The following UBL3 variants were observed in gnomAD, a reference collection of about 807,000 sequenced individuals.
UBL3 encodes the protein ubiquitin like 3.
UBL3 carries 6 observed loss-of-function variants against 18.4 expected under a neutral mutation model. That is an observed-to-expected ratio of 0.33 (90% CI 0.18 to 0.64). UBL3 has a LOEUF of 0.64. UBL3 is among the 30% of genes least tolerant of loss of function. UBL3 has a pLI of 0.76. For synonymous variants in UBL3, 49 were observed against 46.6 expected, an observed-to-expected ratio of 1.05 and a Z score of -0.21; for missense variants, 109 against 142.9, an observed-to-expected ratio of 0.76 and a Z score of 1.21.
intron 1 of UBL3, among the ~76,000 whole-genome samples, chr13:29,806,595 A>G (rs1362241495): frequency 6.6e-6 from 1 of 152,144 alleles, no homozygotes; most frequent in Admixed American, 6.5e-5. Flanking sequence ...CTGAGGTGCA[A>G]GAGTGCCATA....
At chr13:29,831,519 C>T (rs905378657) in intron 1 of UBL3, among the ~76,000 whole-genome samples, 4 of 149,146 alleles carry the variant, frequency 2.7e-5, no homozygotes, top group South Asian at 2.1e-4. Context: ...ACCAGGGAGA[C>T]GGAGGTTGCG....
chr13:29,829,322 T>C (rs1878708241), intron 1 of UBL3, among the ~76,000 whole-genome samples: 1 of 152,202 alleles, frequency 6.6e-6, no homozygotes, highest in Non-Finnish European at 1.5e-5. Context: ...CTCCCTGAGC[T>C]GTGGTGGGCT....
chr13:29,832,538 T>C (rs924229284), intron 1 of UBL3, among the ~76,000 whole-genome samples: 1 of 152,114 alleles, frequency 6.6e-6, no homozygotes, highest in East Asian at 1.9e-4. Context: ...CTAATTTCTA[T>C]AATTTACCTT....
At chr13:29,770,178 T>G (rs1022451781) in intron 3 of UBL3, among the ~76,000 whole-genome samples, 7 of 152,090 alleles carry the variant, frequency 4.6e-5, no homozygotes, top group Admixed American at 1.3e-4. Flanking sequence ...TTTCCCTGTG[T>G]GCTATCTTCT....
rs1566001079 is a variant in UBL3, at chr13:29,835,132, ATATATAT to A, written c.27+14373_27+14379del. On this transcript the variant is annotated intron_variant, in intron 1 of 4. Transcript: ENST00000380680. ...AATATATATATATATATAAATATAT[ATATATAT>A]ATATATATATATATATATATATATA... Among the ~76,000 whole-genome samples the A allele has an allele frequency of 3.2e-3, 19 of 5,954 alleles. 1 individual carries two copies. The highest frequency in any genetic ancestry group is 4.8e-3 in the Non-Finnish European group (16 of 3,368). 3.9% of individuals were successfully genotyped at this position (5,954 alleles called of 152,430 possible). A position where few individuals can be genotyped will look rare whatever the true frequency, so the allele number is the denominator to read the frequency against.
intron 1 of UBL3, among the ~76,000 whole-genome samples, chr13:29,817,278 C>T (rs987115930): frequency 2.0e-5 from 3 of 152,202 alleles, no homozygotes; most frequent in Non-Finnish European, 2.9e-5. Flanking sequence ...GTATGCAACA[C>T]GCGTAAGATG....
At chr13:29,767,782 T>C in intron 3 of UBL3, 87 bp from the exon 4 acceptor site, 1 of 1,236,860 alleles carries the variant, frequency 8.1e-7, no homozygotes, top group Non-Finnish European at 1.1e-6. Flanking sequence ...TAAAAATTGA[T>C]TGCTTTTTTA....
intron 1 of UBL3, among the ~76,000 whole-genome samples, chr13:29,826,896 A>G (rs183460712): frequency 0.029 from 4,474 of 152,150 alleles, 127 homozygotes; most frequent in African/African-American, 0.062. Flanking sequence ...CTTTGTTCTC[A>G]TGGGTTTCAA....
chr13:29,819,789 C>G (rs979708824), intron 1 of UBL3, among the ~76,000 whole-genome samples: 2 of 152,032 alleles, frequency 1.3e-5, no homozygotes, highest in African/African-American at 2.4e-5. Flanking sequence ...CCACCGCCCC[C>G]ACCCCCAAGA....
At chr13:29,839,365 G>A (rs1017077872) in intron 1 of UBL3, among the ~76,000 whole-genome samples, 2 of 152,096 alleles carry the variant, frequency 1.3e-5, no homozygotes, top group African/African-American at 4.8e-5. Flanking sequence ...GAGCACAAGG[G>A]AAGTTTTAAA....
chr13:29,849,491 C>A, intron 1 of UBL3, 21 bp downstream of exon 1: 2 of 1,614,078 alleles, frequency 1.2e-6, no homozygotes, highest in Non-Finnish European at 8.5e-7. Context: ...AAATCAGTGT[C>A]ATAACTTATC....
chr13:29,848,968 T>G (rs1252816478), intron 1 of UBL3, among the ~76,000 whole-genome samples: 1 of 152,220 alleles, frequency 6.6e-6, no homozygotes, highest in East Asian at 1.9e-4. Context: ...TCCCAAAATA[T>G]CTTTATATTT....
At chr13:29,820,388 C>A (rs961944292) in intron 1 of UBL3, among the ~76,000 whole-genome samples, 1 of 152,044 alleles carries the variant, frequency 6.6e-6, no homozygotes, top group Non-Finnish European at 1.5e-5. Flanking sequence ...GTTGGCCAGG[C>A]TGGTCTTGAA....
intron 1 of UBL3, among the ~76,000 whole-genome samples, chr13:29,841,679 G>A (rs1436705571): frequency 6.6e-6 from 1 of 152,202 alleles, no homozygotes; most frequent in African/African-American, 2.4e-5. Flanking sequence ...GAGGGATTCA[G>A]TAATGTTTGC....
intron 1 of UBL3, among the ~76,000 whole-genome samples, chr13:29,813,632 CTA>C (rs770489983): frequency 5.3e-5 from 8 of 151,984 alleles, no homozygotes; most frequent in Non-Finnish European, 8.8e-5. Context: ...TGTAAGTAAT[CTA>C]GAGATAATTT....
At position 29,765,540 on chromosome 13, in the gene UBL3, T is replaced by G. The variant is rs1311937291; in HGVS notation, c.*1715A>C. On this transcript the variant is annotated 3_prime_UTR_variant, in exon 5 of 5. Transcript: ENST00000380680. ...ATTTTAAAAGCTTAAGAAATGAAAG[T>G]AGAAAACATGAATGAGACGGTGCTT... is the stretch of plus-strand genomic sequence containing the variant. The G allele has an allele frequency of 6.6e-6, 1 of 152,342 alleles. No individual in the cohort carries two copies. The highest frequency in any genetic ancestry group is 1.5e-5 in the Non-Finnish European group (1 of 67,940). The allele number at this position is 152,342 out of a possible 1,614,324, so 9.4% of individuals were successfully genotyped here. A position where few individuals can be genotyped will look rare whatever the true frequency, so the allele number is the denominator to read the frequency against.
intron 1 of UBL3, among the ~76,000 whole-genome samples, chr13:29,799,346 A>G (rs1213199480): frequency 6.6e-6 from 1 of 152,282 alleles, no homozygotes; most frequent in Non-Finnish European, 1.5e-5. Flanking sequence ...CTTTACTGTG[A>G]TAAACCATCA....
chr13:29,773,221 G>A (rs950231589), intron 2 of UBL3, among the ~76,000 whole-genome samples: 2 of 152,148 alleles, frequency 1.3e-5, no homozygotes, highest in African/African-American at 4.8e-5. Context: ...TCAAAATGAT[G>A]AATGTGAATT....
At chr13:29,847,219 T>C (rs896582786) in intron 1 of UBL3, among the ~76,000 whole-genome samples, 24 of 152,174 alleles carry the variant, frequency 1.6e-4, no homozygotes, top group African/African-American at 5.8e-4. Context: ...AGAGAAAATC[T>C]TAACCTCTAA....
Sources: gnomAD v4.1 joint callset for allele counts (sites outside exome capture counted in the v4.1 genomes callset) on GRCh38, gnomAD v4.1.1 for gene constraint, MANE v1.5 for transcripts, NCBI Gene and HGNC (gene_info 2026-07-23, HGNC 2026-07-21) for gene names.